The following NSUN7 variants were observed in gnomAD, a reference collection of about 807,000 sequenced individuals.
NSUN7 encodes the protein protein NSUN7.
In NSUN7, 39 loss-of-function variants were observed where a neutral mutation model predicts 58.5. That is an observed-to-expected ratio of 0.67 (90% CI 0.52 to 0.87). The LOEUF is 0.87. Ranked by LOEUF, NSUN7 falls within the 40% of genes least tolerant of loss-of-function variation. The pLI, the probability that NSUN7 is intolerant of heterozygous loss-of-function variation, is 0.00. For synonymous variants in NSUN7, 278 were observed against 303.7 expected, an observed-to-expected ratio of 0.92 and a Z score of 0.88; for missense variants, 765 against 844.1, an observed-to-expected ratio of 0.91 and a Z score of 1.16.
chr4:40,801,402 T>G (rs1211851828), intron 10 of NSUN7, among the ~76,000 whole-genome samples: 1 of 152,216 alleles, frequency 6.6e-6, no homozygotes, highest in Non-Finnish European at 1.5e-5. Flanking sequence ...AAATGTTCAA[T>G]AATTTTAAAT....
chr4:40,776,561 T>A (rs1742279557), intron 7 of NSUN7: 1 of 213,270 alleles, frequency 4.7e-6, no homozygotes, highest in Admixed American at 5.3e-5. Context: ...GATTATCATT[T>A]AATAAATACT....
At chr4:40,780,551 G>A (rs1742479499) in intron 7 of NSUN7, among the ~76,000 whole-genome samples, 2 of 151,320 alleles carry the variant, frequency 1.3e-5, no homozygotes, top group African/African-American at 4.9e-5. Flanking sequence ...AAGCTGCAGT[G>A]AGCCATGATT....
chr4:40,782,429 G>A (rs767938305), intron 7 of NSUN7, among the ~76,000 whole-genome samples: 8 of 151,724 alleles, frequency 5.3e-5, no homozygotes, highest in African/African-American at 1.7e-4. Context: ...TTAGCCAGGC[G>A]TGGTGGCTTA....
Position 40,808,456 on chromosome 4 carries a change from T to C in NSUN7, c.1674T>C (p.Thr558=), listed in dbSNP as rs766200092. 4.0e-5 allele frequency: 64 copies of C among 1,596,058 alleles called. No individual in the cohort carries two copies. Among genetic ancestry groups the C allele is most frequent in the Middle Eastern group, 1.7e-4 (1 of 6,058 alleles). Residue 558 remains threonine (T), a synonymous_variant, in exon 12 of 12, where the codon ACT becomes ACC. Coordinates refer to ENST00000381782, the MANE Select transcript of NSUN7 (RefSeq NM_024677.6). The stretch of plus-strand genomic sequence containing the variant: ...CATCATTGACAAAAGGTGCCACTAC[T>C]GATAATGGCATCCAAATGAAAATTG... ...SKTSLTKGAT[T]DNGIQMKIAE... is the part of the protein sequence containing the mutation.
At chr4:40,807,267 C>A in intron 11 of NSUN7, 83 bp downstream of exon 11, 1 of 1,276,918 alleles carries the variant, frequency 7.8e-7, no homozygotes, top group Non-Finnish European at 1.1e-6. Context: ...AGGAACTTTG[C>A]ACATTCTGTA....
At chr4:40,788,505 C>T (rs1382219658) in intron 7 of NSUN7, among the ~76,000 whole-genome samples, 1 of 152,186 alleles carries the variant, frequency 6.6e-6, no homozygotes, top group Non-Finnish European at 1.5e-5. Flanking sequence ...TTATTATTGC[C>T]TCTCAGCTCT....
At chr4:40,771,257 G>A (rs2154287429) in intron 4 of NSUN7, among the ~76,000 whole-genome samples, 1 of 152,164 alleles carries the variant, frequency 6.6e-6, no homozygotes, top group Admixed American at 6.5e-5. Flanking sequence ...CTGCTTCTCT[G>A]TGCCTCCATT....
In NSUN7 at chr4:40,807,190, G is replaced by GA. The variant is rs113167696; in HGVS notation, c.1524+14dup. On this transcript the variant is annotated splice_region_variant and intron_variant, in intron 11 of 11. Transcript: ENST00000381782. ...TTTCTATTTTAACAAGGGAGGTAAG[G>GA]AAAAAAAATCCTAATCCATGTCATA... 0.013 allele frequency: 19,372 copies of GA among 1,540,198 alleles called. 188 individuals carry two copies. The highest frequency in any genetic ancestry group is 0.014 in the Non-Finnish European group (15,573 of 1,142,800).
chr4:40,767,465 T>C (rs1049897746), intron 4 of NSUN7, among the ~76,000 whole-genome samples: 2 of 152,246 alleles, frequency 1.3e-5, no homozygotes, highest in African/African-American at 4.8e-5. Context: ...TTATAATTTC[T>C]GTTCTTTTAC....
intron 8 of NSUN7, among the ~76,000 whole-genome samples, chr4:40,793,723 A>G (rs6847091): frequency 0.022 from 3,308 of 152,292 alleles, 121 homozygotes; most frequent in African/African-American, 0.076. Flanking sequence ...CAAGTTGTTT[A>G]ATGTATGTTT....
chr4:40,786,780 T>A (rs1384245244), intron 7 of NSUN7: 7 of 1,444,846 alleles, frequency 4.8e-6, no homozygotes, highest in Non-Finnish European at 5.6e-6. Context: ...AATAGAAGAG[T>A]GTCTACAGCG....
chr4:40,790,497 G>A (rs1367283408), intron 7 of NSUN7, 105 bp from the exon 8 acceptor site: 18 of 683,480 alleles, frequency 2.6e-5, no homozygotes. Context: ...ATGAATTTTT[G>A]TGAGGTTGAG....
chr4:40,780,384 G>A (rs1306462506), intron 7 of NSUN7, among the ~76,000 whole-genome samples: 1 of 152,128 alleles, frequency 6.6e-6, no homozygotes, highest in Non-Finnish European at 1.5e-5. Flanking sequence ...GAGGCAGGTG[G>A]ATTGCTTGAG....
intron 4 of NSUN7, among the ~76,000 whole-genome samples, chr4:40,766,116 A>G (rs1577551177): frequency 6.6e-6 from 1 of 152,060 alleles, no homozygotes; most frequent in African/African-American, 2.4e-5. Flanking sequence ...TTCCAATACT[A>G]TGTTGAATAG....
At chr4:40,789,074 T>C (rs1742963270) in intron 7 of NSUN7, among the ~76,000 whole-genome samples, 1 of 152,226 alleles carries the variant, frequency 6.6e-6, no homozygotes. Context: ...CCTTTGGTGG[T>C]ACCACAAAGG....
chr4:40,750,394 C>T, intron 1 of NSUN7, 94 bp downstream of exon 1: 1 of 301,796 alleles, frequency 3.3e-6, no homozygotes, highest in Non-Finnish European at 6.2e-6. Flanking sequence ...TTGAGGGAAG[C>T]CGTCGGTCTC....
chr4:40,775,276 T>C lies in NSUN7; in HGVS notation c.825+326T>C, dbSNP rs1485022708. The C allele has an allele frequency of 1.9e-5, 3 of 160,506 alleles. No individual in the cohort carries two copies. Among genetic ancestry groups the C allele is most frequent in the African/African-American group, 7.2e-5 (3 of 41,792 alleles). The allele number at this position is 160,506 out of a possible 1,614,324, so 9.9% of individuals were successfully genotyped here. Reference sequence around the variant, plus strand: ...AAAGTACAATGAGACCTTTTCTTCCTTCCCTTTCTGGGGAAGATGCTAGTG... The same window carrying C: ...AAAGTACAATGAGACCTTTTCTTCCCTCCCTTTCTGGGGAAGATGCTAGTG... On this transcript the variant is annotated intron_variant, in intron 6 of 11. Coordinates refer to ENST00000381782, the MANE Select transcript of NSUN7 (RefSeq NM_024677.6). The surrounding 1 kb of genome is among the most constrained non-coding windows in gnomAD (Gnocchi z 4.3).
intron 2 of NSUN7, among the ~76,000 whole-genome samples, chr4:40,755,912 C>T (rs1190753191): frequency 2.0e-5 from 3 of 152,194 alleles, no homozygotes; most frequent in African/African-American, 7.2e-5. Flanking sequence ...TAAATAACAA[C>T]ATGAATGAAG....
intron 5 of NSUN7, 122 bp downstream of exon 5, chr4:40,774,539 G>A: frequency 2.1e-6 from 2 of 966,744 alleles, no homozygotes; most frequent in African/African-American, 1.7e-5. Flanking sequence ...TAGGGAATCA[G>A]AGTTAAGTTC....
Sources: allele counts gnomAD v4.1 joint callset (sites outside exome capture counted in the v4.1 genomes callset), GRCh38; gene constraint gnomAD v4.1.1; non-coding constraint Gnocchi (gnomAD v3.1); transcripts MANE v1.5; gene names NCBI Gene and HGNC (gene_info 2026-07-23, HGNC 2026-07-21).